MACROD2: variants seen among roughly 807,000 people sequenced by gnomAD.
MACROD2 encodes mono-ADP ribosylhydrolase 2.
MACROD2 carries 36 observed loss-of-function variants against 70.4 expected under a neutral mutation model. The observed-to-expected ratio is 0.51, with a 90% confidence interval of 0.39 to 0.68. The LOEUF (loss-of-function observed/expected upper bound fraction) is 0.68, where lower values mean the gene tolerates loss of function less well. MACROD2 is among the 30% of genes least tolerant of loss of function. The probability of loss-of-function intolerance (pLI) is 0.00; values close to 1 mark genes in which losing one functional copy is unlikely to be tolerated. For missense variants in MACROD2, 496 were observed against 538.4 expected (o/e 0.92, Z 0.78); for synonymous variants, 172 against 178.8 (o/e 0.96, Z 0.30).
chr20:15,428,906 T>C (rs1446236301), intron 6 of MACROD2, among the ~76,000 whole-genome samples: 2 of 152,114 alleles, frequency 1.3e-5, no homozygotes, highest in Non-Finnish European at 2.9e-5. Flanking sequence ...AAACATTTTT[T>C]TTTTCTCTCC....
intron 4 of MACROD2, among the ~76,000 whole-genome samples, chr20:14,513,627 A>T (rs2085054436): frequency 6.6e-6 from 1 of 152,130 alleles, no homozygotes; most frequent in African/African-American, 2.4e-5. Flanking sequence ...TGGTAAAGAA[A>T]TTGCATATAA....
chr20:15,589,586 C>G (rs1362326743), intron 8 of MACROD2, among the ~76,000 whole-genome samples: 1 of 152,188 alleles, frequency 6.6e-6, no homozygotes, highest in Non-Finnish European at 1.5e-5. Flanking sequence ...GCTGTACATT[C>G]TATAGGTTGG....
chr20:15,287,996 T>C (rs902492056), intron 6 of MACROD2, among the ~76,000 whole-genome samples: 1 of 152,206 alleles, frequency 6.6e-6, no homozygotes, highest in Non-Finnish European at 1.5e-5. Context: ...GTTGTTAATA[T>C]AGAGAGATAG....
At chr20:14,071,311 A>AGT (rs2053838527) in intron 2 of MACROD2, among the ~76,000 whole-genome samples, 1 of 119,258 alleles carries the variant, frequency 8.4e-6, no homozygotes, top group African/African-American at 3.2e-5. Context: ...TCCAGGCCAG[A>AGT]GTGCAGTGGC....
At chr20:14,051,339 G>A (rs531967395) in intron 2 of MACROD2, among the ~76,000 whole-genome samples, 2 of 152,320 alleles carry the variant, frequency 1.3e-5, no homozygotes, top group Non-Finnish European at 2.9e-5. Flanking sequence ...ACCTAAATAA[G>A]CCATTTAAAT....
In MACROD2 at chr20:15,849,508, C is replaced by G. The variant is rs184504412; in HGVS notation, c.646-13237C>G. Among the ~76,000 whole-genome samples, 4 of 152,310 alleles carry G rather than the reference C, an allele frequency of 2.6e-5. No homozygotes were observed. In the East Asian group the frequency reaches 7.7e-4, roughly 29 times the overall value. On this transcript the variant is annotated intron_variant, in intron 8 of 17. Transcript: ENST00000684519. Reference sequence around the variant, plus strand: ...CATCGTGACCAGGCTGCGGAGCCACCTTGTGACTTGGCATAGCATTCTCAT... The same window carrying G: ...CATCGTGACCAGGCTGCGGAGCCACGTTGTGACTTGGCATAGCATTCTCAT...
At chr20:14,782,886 T>C (rs181380838) in intron 5 of MACROD2, among the ~76,000 whole-genome samples, 4 of 152,230 alleles carry the variant, frequency 2.6e-5, no homozygotes, top group Admixed American at 2.0e-4. Context: ...CTAAGAACAC[T>C]GTTCAAGGGA....
chr20:14,758,474 T>C (rs147647008), intron 5 of MACROD2, among the ~76,000 whole-genome samples: 1 of 152,176 alleles, frequency 6.6e-6, no homozygotes, highest in African/African-American at 2.4e-5. Flanking sequence ...AATTTGGTAA[T>C]GCTCAGTACA....
chr20:15,722,012 C>T (rs1004580151), intron 8 of MACROD2, among the ~76,000 whole-genome samples: 2 of 152,078 alleles, frequency 1.3e-5, no homozygotes, highest in Non-Finnish European at 2.9e-5. Context: ...CCAAATTTCT[C>T]CTGTTGCTTA....
At chr20:15,853,395 A>G (rs928509486) in intron 8 of MACROD2, among the ~76,000 whole-genome samples, 2 of 152,148 alleles carry the variant, frequency 1.3e-5, no homozygotes, top group African/African-American at 2.4e-5. Flanking sequence ...CCAAACCATA[A>G]TACTGTAAAG....
chr20:14,303,982 TC>T (rs2082498184), intron 3 of MACROD2, among the ~76,000 whole-genome samples: 1 of 152,224 alleles, frequency 6.6e-6, no homozygotes, highest in African/African-American at 2.4e-5. Context: ...ACAAGTCTAG[TC>T]TTTTATCATT....
intron 6 of MACROD2, among the ~76,000 whole-genome samples, chr20:15,295,994 C>G (rs1220329033): frequency 1.3e-5 from 2 of 152,198 alleles, no homozygotes; most frequent in Non-Finnish European, 2.9e-5. Flanking sequence ...ATAAAATCCC[C>G]AGCAAGCTTT....
intron 6 of MACROD2, among the ~76,000 whole-genome samples, chr20:15,378,182 C>A (rs538048102): frequency 4.7e-5 from 7 of 148,782 alleles, no homozygotes; most frequent in East Asian, 4.0e-4. Flanking sequence ...GAAAGGAACC[C>A]AAAGTCCTAG....
intron 5 of MACROD2, among the ~76,000 whole-genome samples, chr20:14,746,883 A>T (rs750864733): frequency 6.6e-6 from 1 of 152,144 alleles, no homozygotes; most frequent in Non-Finnish European, 1.5e-5. Flanking sequence ...TTTCCAGCAA[A>T]CTACATTGTT....
At chr20:15,886,800 G>A (rs1352747466) in intron 10 of MACROD2, among the ~76,000 whole-genome samples, 3 of 151,984 alleles carry the variant, frequency 2.0e-5, no homozygotes, top group Non-Finnish European at 4.4e-5. Flanking sequence ...ACAATTCTGG[G>A]GGCAATAATT....
chr20:14,783,924 G>T (rs1400145870), intron 5 of MACROD2, among the ~76,000 whole-genome samples: 1 of 152,026 alleles, frequency 6.6e-6, no homozygotes. Flanking sequence ...TAGACATTAA[G>T]TCCTGAGCAC....
At chr20:14,130,457 G>T (rs1254952643) in intron 3 of MACROD2, among the ~76,000 whole-genome samples, 1 of 151,940 alleles carries the variant, frequency 6.6e-6, no homozygotes, top group East Asian at 1.9e-4. Flanking sequence ...CTGAGGCAGA[G>T]AATTGCTTGA....
At chr20:14,977,624 A>T (rs2074753228) in intron 5 of MACROD2, among the ~76,000 whole-genome samples, 1 of 152,028 alleles carries the variant, frequency 6.6e-6, no homozygotes, top group Admixed American at 6.6e-5. Flanking sequence ...CCCACATTAT[A>T]GGGTGTTATG....
At chr20:15,111,167 G>GT (rs1222195307) in intron 5 of MACROD2, among the ~76,000 whole-genome samples, 2 of 100,616 alleles carry the variant, frequency 2.0e-5, no homozygotes, top group African/African-American at 8.1e-5. Context: ...TTGTTTGTTT[G>GT]TTTTTGTTTG....
Sources: gnomAD v4.1 joint callset for allele counts (sites outside exome capture counted in the v4.1 genomes callset) on GRCh38, gnomAD v4.1.1 for gene constraint, MANE v1.5 for transcripts, NCBI Gene and HGNC (gene_info 2026-07-23, HGNC 2026-07-21) for gene names.